Variants in AGO1 observed in about 807,000 individuals in gnomAD.
The protein encoded by AGO1 is protein argonaute-1.
AGO1 carries 11 observed loss-of-function variants against 109.2 expected under a neutral mutation model. The observed-to-expected ratio is 0.10, with a 90% confidence interval of 0.06 to 0.17. The LOEUF (loss-of-function observed/expected upper bound fraction) is 0.17, where lower values mean the gene tolerates loss of function less well. Among genes scored for constraint, AGO1 ranks in the 10% least tolerant of loss-of-function variants. AGO1 has a pLI of 1.00. For synonymous variants in AGO1, 422 were observed against 418.6 expected, an observed-to-expected ratio of 1.01 and a Z score of -0.10; for missense variants, 574 against 1,140.3, an observed-to-expected ratio of 0.50 and a Z score of 7.15.
rs1022309525 is a variant in AGO1 at position 35,927,975 on chromosome 1, A to T, written c.*8368A>T. On this transcript the variant is annotated 3_prime_UTR_variant, in exon 19 of 19. Transcript: ENST00000373204. ...GCCCAGTTGACTCTAATCTTGGCCC[A>T]TGTGAGAGGATTGTACTCAGTTGCT... The T allele has an allele frequency of 3.3e-5, 5 of 152,232 alleles. No individual in the cohort carries two copies. The highest frequency in any genetic ancestry group is 2.6e-4 in the Admixed American group (4 of 15,290). The allele number at this position is 152,232 out of a possible 1,614,324, so 9.4% of individuals were successfully genotyped here. A position where few individuals can be genotyped will look rare whatever the true frequency, so the allele number is the denominator to read the frequency against.
intron 8 of AGO1, among the ~76,000 whole-genome samples, chr1:35,895,991 A>G (rs1308864292): frequency 6.6e-6 from 1 of 151,940 alleles, no homozygotes; most frequent in Non-Finnish European, 1.5e-5. Flanking sequence ...ACCCATACCG[A>G]CTGAATCAGA....
intron 11 of AGO1, among the ~76,000 whole-genome samples, chr1:35,905,486 T>G (rs1645502530): frequency 6.6e-6 from 1 of 152,116 alleles, no homozygotes; most frequent in South Asian, 2.1e-4. Flanking sequence ...CCTCCCTTCT[T>G]TTTTTGACAG....
intron 8 of AGO1, among the ~76,000 whole-genome samples, chr1:35,896,440 ACCT>A (rs1401222929): frequency 2.0e-5 from 3 of 147,278 alleles, no homozygotes; most frequent in East Asian, 4.0e-4. Flanking sequence ...GCTCACTGTA[ACCT>A]CCTCAGCCTC....
At chr1:35,870,888 A>G (rs962897036) in intron 1 of AGO1, among the ~76,000 whole-genome samples, 4 of 152,250 alleles carry the variant, frequency 2.6e-5, no homozygotes, top group South Asian at 2.1e-4. Flanking sequence ...ACTAAGAGTC[A>G]TACCATAAGC....
At chr1:35,914,030 G>A (rs1645689176) in intron 13 of AGO1, 29 bp downstream of exon 13, 1 of 1,613,324 alleles carries the variant, frequency 6.2e-7, no homozygotes, top group African/African-American at 1.3e-5. Context: ...ACTTGCCCTT[G>A]TCAAGGTACC....
At chr1:35,882,618 C>G (rs1468302787), upstream of AGO1, among the ~76,000 whole-genome samples, 1 of 152,186 alleles carries the variant, frequency 6.6e-6, no homozygotes, top group Non-Finnish European at 1.5e-5. This position sits in a 1 kb window ranked among gnomAD's most constrained non-coding sequence, Gnocchi z 5.1. Context: ...CCAGGTCCGG[C>G]GGATAGAGCT....
chr1:35,895,761 G>T (rs1431870327), intron 8 of AGO1, among the ~76,000 whole-genome samples: 4 of 152,168 alleles, frequency 2.6e-5, no homozygotes, highest in Non-Finnish European at 5.9e-5. Context: ...TTGGAATTCT[G>T]CAACTAGAGG....
intron 12 of AGO1, among the ~76,000 whole-genome samples, chr1:35,909,339 T>C (rs999110976): frequency 7.9e-5 from 12 of 152,232 alleles, no homozygotes; most frequent in Admixed American, 2.0e-4. Flanking sequence ...TAATCCTGGC[T>C]ATACCAGTCA....
rs751069758 is a variant in AGO1, at chr1:35,928,165, C to CT, written c.*8559dup. 4.6e-5 allele frequency: 7 copies of CT among 152,242 alleles called. 1 individual carries two copies. The highest frequency in any genetic ancestry group is 8.8e-5 in the Non-Finnish European group (6 of 68,052). 9.4% of individuals were successfully genotyped at this position (152,242 alleles called of 1,614,324 possible). On this transcript the variant is annotated 3_prime_UTR_variant, in exon 19 of 19. Transcript: ENST00000373204. ...ACACTTAAAGCGGCAGCTGGCCACT[C>CT]TGTCTTTCCTGCATGCACTGAGTAT...
chr1:35,872,902 T>TG (rs1644964125), intron 1 of AGO1, among the ~76,000 whole-genome samples: 2 of 151,766 alleles, frequency 1.3e-5, no homozygotes, highest in African/African-American at 4.9e-5. Flanking sequence ...CTTTTCAGTT[T>TG]TTTTGTTTGT....
chr1:35,918,208 T>C, intron 16 of AGO1, 114 bp from the exon 17 acceptor site: 1 of 826,874 alleles, frequency 1.2e-6, no homozygotes, highest in Non-Finnish European at 2.1e-6. Context: ...CCTCAGGGAA[T>C]AGCAACTTTG....
intron 15 of AGO1, among the ~76,000 whole-genome samples, chr1:35,916,142 ACTTT>A (rs1172257987): frequency 6.6e-6 from 1 of 151,208 alleles, no homozygotes; most frequent in Non-Finnish European, 1.5e-5. Context: ...TAAGCACTTC[ACTTT>A]CTTTTTTTTT....
chr1:35,892,998 A>G lies in AGO1; in HGVS notation c.331-99A>G, dbSNP rs1333467631. The G allele has an allele frequency of 3.1e-5, 38 of 1,235,364 alleles. No individual in the cohort carries two copies. In the East Asian group the frequency reaches 9.6e-4, roughly 31 times the overall value. 76.5% of individuals were successfully genotyped at this position (1,235,364 alleles called of 1,614,324 possible). A position where few individuals can be genotyped will look rare whatever the true frequency, so the allele number is the denominator to read the frequency against. ...CTCTGGATTTTCATTATGAGCCCCT[A>G]TCAACTTGAAAAACATGTTCTCAGC... On this transcript the variant is annotated intron_variant, in intron 3 of 18. Transcript: ENST00000373204.
At chr1:35,894,880 G>T (rs1345409994) in intron 7 of AGO1, among the ~76,000 whole-genome samples, 2 of 152,148 alleles carry the variant, frequency 1.3e-5, no homozygotes, top group Non-Finnish European at 2.9e-5. Context: ...TCTGACTTTT[G>T]TGGAACTTGC....
Position 35,929,326 on chromosome 1 carries a change from T to G in AGO1, c.*9719T>G, listed in dbSNP as rs1391478845. ...GATAGCAGAAGTAGATAGGAAGGCATCATTGACATTTACTGAGATGGATTG... is the reference window on the plus strand; with the variant it reads ...GATAGCAGAAGTAGATAGGAAGGCAGCATTGACATTTACTGAGATGGATTG... On this transcript the variant is annotated 3_prime_UTR_variant, in exon 19 of 19. Coordinates refer to ENST00000373204, the MANE Select transcript of AGO1 (RefSeq NM_012199.5). 1 of 152,238 alleles carries G rather than the reference T, an allele frequency of 6.6e-6. No homozygotes were observed. Among genetic ancestry groups the G allele is most frequent in the Non-Finnish European group, 1.5e-5 (1 of 68,040 alleles). The allele number at this position is 152,238 out of a possible 1,614,324, so 9.4% of individuals were successfully genotyped here.
chr1:35,894,229 C>A, intron 6 of AGO1, 58 bp downstream of exon 6: 1 of 1,581,228 alleles, frequency 6.3e-7, no homozygotes, highest in African/African-American at 1.3e-5. Context: ...AAGAGGAAAT[C>A]CCCTTGGGGT....
chr1:35,915,423 A>G lies in AGO1; in HGVS notation c.1909A>G (p.Ile637Val). 2 of 1,614,150 alleles carry G rather than the reference A, an allele frequency of 1.2e-6. No individual in the cohort carries two copies. Among genetic ancestry groups the G allele is most frequent in the Non-Finnish European group, 1.7e-6 (2 of 1,180,032 alleles). Reference protein sequence around the residue: ...VRVQRPRQEIIEDLSYMVREL... With the variant: ...VRVQRPRQEIVEDLSYMVREL... ...GGTACAGCGACCACGGCAAGAGATC[A>G]TTGAAGACTTGTCCTACATGGTGCG... is the stretch of plus-strand genomic sequence containing the variant. The change falls in exon 15 of 19, where the codon ATT becomes GTT. Residue 637 changes from isoleucine to valine, a missense_variant. By Grantham distance (29) the Ile-to-Val change is conservative. Around this residue, in one of 8 missense-constraint regions of AGO1, gnomAD observed 45 missense variants for 61.3 expected, o/e 0.73. Coordinates refer to ENST00000373204, the MANE Select transcript of AGO1 (RefSeq NM_012199.5).
intron 1 of AGO1, among the ~76,000 whole-genome samples, chr1:35,885,494 G>C (rs1645106590): frequency 6.6e-6 from 1 of 152,232 alleles, no homozygotes; most frequent in Non-Finnish European, 1.5e-5. Context: ...CAGTCTGGAA[G>C]CTGCAAATTG....
At chr1:35,894,290 C>T in intron 6 of AGO1, 25 bp from the exon 7 acceptor site, 1 of 1,613,456 alleles carries the variant, frequency 6.2e-7, no homozygotes. Flanking sequence ...TATTTTAGCC[C>T]TGACAAGCAG....
Sources: allele counts gnomAD v4.1 joint callset (sites outside exome capture counted in the v4.1 genomes callset), GRCh38; gene constraint gnomAD v4.1.1; regional missense constraint gnomAD v4.1.1; non-coding constraint Gnocchi (gnomAD v3.1); transcripts MANE v1.5; gene names NCBI Gene and HGNC (gene_info 2026-07-23, HGNC 2026-07-21).